Variants in DMD observed in about 807,000 individuals in gnomAD.
The protein encoded by DMD is dystrophin.
Under a neutral mutation model 330.1 loss-of-function variants are expected in DMD, and 63 were observed. The ratio of observed to expected loss-of-function variants is 0.19; its 90% CI spans 0.16 to 0.24. The LOEUF (loss-of-function observed/expected upper bound fraction) is 0.24. Among genes scored for constraint, DMD ranks in the 10% least tolerant of loss-of-function variants. DMD has a pLI of 1.00. For missense variants in DMD, 3,344 were observed against 2,684.1 expected (o/e 1.25, Z -5.43); for synonymous variants, 1,223 against 959.8 (o/e 1.27, Z -5.07).
intron 4 of DMD, among the ~76,000 whole-genome samples, chrX:32,829,341 ATTC>A (rs1391515423): frequency 8.9e-6 from 1 of 111,786 alleles, no homozygotes. Flanking sequence ...TTTTCCACTT[ATTC>A]TTATCTCAAT....
At chrX:32,057,733 T>A (rs1293933279) in intron 44 of DMD, among the ~76,000 whole-genome samples, 1 of 109,814 alleles carries the variant, frequency 9.1e-6, no homozygotes, top group African/African-American at 3.3e-5. Flanking sequence ...AGAAATAAGG[T>A]AAATTTCCTA....
At chrX:32,252,849 T>TAA (rs2097279304) in intron 43 of DMD, among the ~76,000 whole-genome samples, 3 of 75,786 alleles carry the variant, frequency 4.0e-5, no homozygotes, top group East Asian at 3.6e-4. Context: ...TATAAATATA[T>TAA]AAATATATAT....
chrX:32,890,076 G>T (rs1441852876), intron 2 of DMD, among the ~76,000 whole-genome samples: 1 of 111,677 alleles, frequency 9.0e-6, no homozygotes, highest in Non-Finnish European at 1.9e-5. Context: ...CTTATGTGGG[G>T]ATTTCTAAGA....
chrX:32,658,794 C>A (rs2060758159), intron 9 of DMD, among the ~76,000 whole-genome samples: 1 of 111,567 alleles, frequency 9.0e-6, no homozygotes, highest in African/African-American at 3.3e-5. Context: ...CTGCATAAAA[C>A]CAGTGGCCGC....
chrX:31,728,291 C>T (rs1279267503), intron 52 of DMD, among the ~76,000 whole-genome samples: 1 of 112,409 alleles, frequency 8.9e-6, no homozygotes, highest in African/African-American at 3.2e-5. Flanking sequence ...TCCCCAAGTG[C>T]TGGGATTACA....
At chrX:32,887,050 A>T (rs1280233791) in intron 2 of DMD, among the ~76,000 whole-genome samples, 1 of 112,123 alleles carries the variant, frequency 8.9e-6, no homozygotes, top group Non-Finnish European at 1.9e-5. Context: ...GGGAATATTA[A>T]TAATTGGACC....
At chrX:32,169,927 T>A (rs1482181657) in intron 44 of DMD, among the ~76,000 whole-genome samples, 2 of 111,970 alleles carry the variant, frequency 1.8e-5, no homozygotes, top group East Asian at 5.6e-4. Context: ...GAAAAAAAAC[T>A]CACTGTCTTC....
At chrX:31,508,811 T>C (rs2071209200) in intron 55 of DMD, among the ~76,000 whole-genome samples, 1 of 111,324 alleles carries the variant, frequency 9.0e-6, no homozygotes, top group South Asian at 3.8e-4. Flanking sequence ...TCAAATTGAA[T>C]TAAATTACTC....
chrX:31,641,250 C>A (rs1441415841), intron 54 of DMD, among the ~76,000 whole-genome samples: 2 of 111,184 alleles, frequency 1.8e-5, no homozygotes, highest in African/African-American at 6.5e-5. Context: ...GCCTGTAATC[C>A]CAGCACTTTG....
chrX:31,575,108 A>G (rs1255789364), intron 55 of DMD, among the ~76,000 whole-genome samples: 1 of 111,895 alleles, frequency 8.9e-6, no homozygotes, highest in Non-Finnish European at 1.9e-5. Flanking sequence ...TGTTGTATAA[A>G]CACGGTGTTT....
chrX:31,380,968 G>A (rs1437940491), intron 60 of DMD, among the ~76,000 whole-genome samples: 1 of 110,946 alleles, frequency 9.0e-6, no homozygotes, highest in Non-Finnish European at 1.9e-5. Context: ...TGCTCTCCCT[G>A]CTGATCATGT....
At chrX:32,224,436 T>G (rs193122398) in intron 43 of DMD, among the ~76,000 whole-genome samples, 1 of 111,539 alleles carries the variant, frequency 9.0e-6, no homozygotes, top group Non-Finnish European at 1.9e-5. Context: ...GACTCCATTT[T>G]AATTTTTTAG....
At chrX:31,602,270 G>T (rs1479782531) in intron 55 of DMD, among the ~76,000 whole-genome samples, 3 of 104,181 alleles carry the variant, frequency 2.9e-5, no homozygotes, top group Non-Finnish European at 5.9e-5. Flanking sequence ...CAAGTGTTTT[G>T]TTTATTTGTT....
rs184426145 is a variant in DMD at position 33,064,361 on chromosome X, A to G, written c.32-44161T>C. On this transcript the variant is annotated intron_variant, in intron 1 of 78. Transcript: ENST00000357033. The stretch of plus-strand genomic sequence containing the variant: ...GAAAAAAAAACACAGGAAGACTATC[A>G]CATAATGAAATCCTTTAATTGTTAC... Among the ~76,000 whole-genome samples the G allele has an allele frequency of 3.0e-4, 33 of 111,568 alleles. No homozygotes were observed. The East Asian group carries it at 9.3e-3, about 31-fold the overall frequency.
chrX:32,585,696 T>A (rs1455597024), intron 13 of DMD, among the ~76,000 whole-genome samples: 1 of 20,085 alleles, frequency 5.0e-5, no homozygotes, highest in Non-Finnish European at 8.7e-5. Flanking sequence ...CAGGACTCCG[T>A]CTCAAAAAAA....
At chrX:32,625,328 T>C (rs761986134) in intron 11 of DMD, among the ~76,000 whole-genome samples, 82 of 111,901 alleles carry the variant, frequency 7.3e-4, no homozygotes, top group African/African-American at 2.1e-3. Context: ...GAAATATGTA[T>C]GGCTAGTAAG....
At chrX:31,414,760 A>T (rs59335500) in intron 60 of DMD, among the ~76,000 whole-genome samples, 30,221 of 111,394 alleles carry the variant, frequency 0.27, 5,273 homozygotes, top group African/African-American at 0.64. Flanking sequence ...AAGAAGCTGG[A>T]ATTTTAATGG....
chrX:31,191,236 T>C (rs1245468173), intron 67 of DMD, among the ~76,000 whole-genome samples: 1 of 111,738 alleles, frequency 8.9e-6, no homozygotes, highest in East Asian at 2.8e-4. Context: ...TTAGTACAGG[T>C]CATAACCATT....
chrX:32,043,000 AAC>A (rs1398809416), intron 44 of DMD, among the ~76,000 whole-genome samples: 1 of 112,225 alleles, frequency 8.9e-6, no homozygotes, highest in Non-Finnish European at 1.9e-5. Flanking sequence ...TAAAATAACT[AAC>A]AGAGTATAAT....
Sources: gnomAD v4.1 joint callset for allele counts (sites outside exome capture counted in the v4.1 genomes callset) on GRCh38, gnomAD v4.1.1 for gene constraint, MANE v1.5 for transcripts, NCBI Gene and HGNC (gene_info 2026-07-23, HGNC 2026-07-21) for gene names.